The following PRAG1 variants were observed in gnomAD, a reference collection of about 807,000 sequenced individuals.
PRAG1 encodes the protein PEAK1 related, kinase-activating pseudokinase 1, also known as inactive tyrosine-protein kinase PRAG1.
PRAG1 carries 110 observed loss-of-function variants against 95.6 expected under a neutral mutation model. The observed-to-expected ratio is 1.15, with a 90% CI of 0.99 to 1.35. PRAG1 has a LOEUF of 1.35. Ranked by LOEUF, PRAG1 falls within the 40% of genes most tolerant of loss-of-function variation. The pLI is 0.00. For synonymous variants in PRAG1, 1,052 were observed against 819.4 expected, an observed-to-expected ratio of 1.28 and a Z score of -4.85; for missense variants, 2,554 against 1,864.7, an observed-to-expected ratio of 1.37 and a Z score of -6.81.
At position 8,372,005 on chromosome 8, in the gene PRAG1, A is replaced by C. The variant is rs76772491; in HGVS notation, c.2162+4242T>G. ...TATTTCTTAGTCACCTGTCATCCTCAATTCCACCTGGGCTCAGGCCTCTTC... is the reference window on the plus strand; with the variant it reads ...TATTTCTTAGTCACCTGTCATCCTCCATTCCACCTGGGCTCAGGCCTCTTC... On this transcript the variant is annotated intron_variant, in intron 3 of 5. Transcript: ENST00000615670. Among the ~76,000 whole-genome samples, 9 of 152,246 alleles carry C rather than the reference A, an allele frequency of 5.9e-5. No individual in the cohort carries two copies. In the East Asian group the frequency reaches 1.4e-3, roughly 23 times the overall value.
At chr8:8,378,571 A>T (rs1351762147) in intron 2 of PRAG1, among the ~76,000 whole-genome samples, 5 of 152,154 alleles carry the variant, frequency 3.3e-5, no homozygotes, top group Non-Finnish European at 7.4e-5. Flanking sequence ...CACACTGAAC[A>T]CACTGGAGCC....
chr8:8,375,615 C>T (rs932406649), intron 3 of PRAG1, among the ~76,000 whole-genome samples: 54 of 152,090 alleles, frequency 3.6e-4, no homozygotes, highest in African/African-American at 9.2e-4. Flanking sequence ...TTATTGAGCA[C>T]GCATTTATTT....
intron 4 of PRAG1, among the ~76,000 whole-genome samples, chr8:8,338,331 G>A (rs984212880): frequency 5.3e-5 from 8 of 152,178 alleles, no homozygotes; most frequent in South Asian, 2.1e-4. Context: ...CCTGACACCC[G>A]CTGGTTGGTG....
At chr8:8,337,081 A>T (rs571069541) in intron 4 of PRAG1, among the ~76,000 whole-genome samples, 1 of 152,224 alleles carries the variant, frequency 6.6e-6, no homozygotes, top group South Asian at 2.1e-4. Flanking sequence ...AATGAAACGC[A>T]TAGTTTTCAC....
intron 4 of PRAG1, among the ~76,000 whole-genome samples, chr8:8,329,971 G>C (rs761053769): frequency 1.3e-5 from 2 of 152,228 alleles, no homozygotes; most frequent in Non-Finnish European, 2.9e-5. Context: ...GAACACAGGA[G>C]CTGAGAACCA....
At chr8:8,322,769 A>C (rs2117101942) in intron 5 of PRAG1, among the ~76,000 whole-genome samples, 1 of 152,222 alleles carries the variant, frequency 6.6e-6, no homozygotes, top group African/African-American at 2.4e-5. Context: ...ATTGATAATA[A>C]CTCTCTCAAC....
intron 3 of PRAG1, among the ~76,000 whole-genome samples, chr8:8,348,734 T>C (rs181080643): frequency 1.3e-5 from 2 of 152,316 alleles, no homozygotes; most frequent in Non-Finnish European, 2.9e-5. Context: ...ACCCTTCTCA[T>C]CCTTCTGTAA....
chr8:8,341,858 T>C (rs1470910581), intron 3 of PRAG1, among the ~76,000 whole-genome samples: 1 of 152,208 alleles, frequency 6.6e-6, no homozygotes, highest in East Asian at 1.9e-4. Flanking sequence ...GACGGCCGGA[T>C]ACGGTGGCTC....
Position 8,335,838 on chromosome 8 carries a change from T to C in PRAG1, c.2320+3640A>G, listed in dbSNP as rs1234291310. Among the ~76,000 whole-genome samples, 3 of 152,228 alleles carry C rather than the reference T, an allele frequency of 2.0e-5. No homozygotes were observed. The South Asian group carries it at 6.2e-4, about 32-fold the overall frequency. On this transcript the variant is annotated intron_variant, in intron 4 of 5. Coordinates refer to ENST00000615670, the MANE Select transcript of PRAG1 (RefSeq NM_001080826.3). ...CAGAATGTAAGCCCCTTGAAGGGACTGGGAATTATTTCCATTGCTGAAACT... is the reference window on the plus strand; with the variant it reads ...CAGAATGTAAGCCCCTTGAAGGGACCGGGAATTATTTCCATTGCTGAAACT...
At chr8:8,372,329 T>A (rs141127399) in intron 3 of PRAG1, among the ~76,000 whole-genome samples, 27 of 152,358 alleles carry the variant, frequency 1.8e-4, no homozygotes, top group African/African-American at 6.3e-4. Flanking sequence ...CAAATTGCCA[T>A]TAAGTCTTAA....
rs779085853 is a variant in PRAG1 at position 8,318,490 on chromosome 8, G to C, written c.3885C>G (p.Leu1295=). ...CCAGCTGCTGCAGGCCGGGTGAGTA[G>C]AGGGACAGCGCGGGCAGCGGCGGCA... ...EDLPPLPALS[L]YSPGLQQLAH... The change falls in exon 6 of 6, where the codon CTC becomes CTG. Residue 1295 remains leucine, a synonymous_variant. Coordinates refer to ENST00000615670, the MANE Select transcript of PRAG1 (RefSeq NM_001080826.3). This position sits in a 1 kb window ranked among gnomAD's most constrained non-coding sequence, Gnocchi z 4.2. 6.6e-5 allele frequency: 106 copies of C among 1,612,264 alleles called. No individual in the cohort carries two copies. The highest frequency in any genetic ancestry group is 7.2e-5 in the Non-Finnish European group (85 of 1,179,788).
At chr8:8,367,652 T>C (rs1400310884) in intron 3 of PRAG1, among the ~76,000 whole-genome samples, 1 of 151,900 alleles carries the variant, frequency 6.6e-6, no homozygotes, top group Non-Finnish European at 1.5e-5. Context: ...TTTTGTTTTT[T>C]GTTTTTTGAG....
chr8:8,368,209 C>T (rs1022358074), intron 3 of PRAG1, among the ~76,000 whole-genome samples: 1 of 152,166 alleles, frequency 6.6e-6, no homozygotes, highest in Non-Finnish European at 1.5e-5. Context: ...CAAAAATGAA[C>T]GACTTTTTAA....
chr8:8,367,627 G>A (rs115012760), intron 3 of PRAG1, among the ~76,000 whole-genome samples: 1,945 of 151,754 alleles, frequency 0.013, 40 homozygotes, highest in African/African-American at 0.045. Flanking sequence ...AACTGTTCTT[G>A]TATGTATCTG....
intron 2 of PRAG1, 96 bp downstream of exon 2, chr8:8,381,322 C>T (rs1800635323): frequency 2.4e-6 from 3 of 1,272,732 alleles, no homozygotes; most frequent in Non-Finnish European, 3.3e-6. Flanking sequence ...CTGCAGGTTT[C>T]TTGCTGGAAC....
Position 8,318,503 on chromosome 8 carries a change from G to A in PRAG1, c.3872C>T (p.Pro1291Leu). ...GCCGGGTGAGTAGAGGGACAGCGCG[G>A]GCAGCGGCGGCAGGTCCTCCTGCCG... ...DYRQEDLPPL[P>L]ALSLYSPGLQ... Residue 1291 changes from proline (P) to leucine (L), a missense_variant, in exon 6 of 6, where the codon CCC becomes CTC. Transcript: ENST00000615670. The surrounding 1 kb of genome is among the most constrained non-coding windows in gnomAD (Gnocchi z 4.2). 2 of 1,611,566 alleles carry A rather than the reference G, an allele frequency of 1.2e-6. No individual in the cohort carries two copies. The highest frequency in any genetic ancestry group is 1.7e-6 in the Non-Finnish European group (2 of 1,179,530).
At chr8:8,375,204 GTTTT>G (rs746109244) in intron 3 of PRAG1, among the ~76,000 whole-genome samples, 3 of 94,418 alleles carry the variant, frequency 3.2e-5, no homozygotes, top group Non-Finnish European at 6.1e-5. Context: ...TTTTTTCTTT[GTTTT>G]TTTTTTTGTT....
At chr8:8,358,446 A>G (rs916406820) in intron 3 of PRAG1, among the ~76,000 whole-genome samples, 2 of 152,118 alleles carry the variant, frequency 1.3e-5, no homozygotes, top group African/African-American at 4.8e-5. Context: ...CTCTCTCCCC[A>G]ACCCTGTGGG....
chr8:8,376,692 G>C lies in PRAG1; in HGVS notation c.1717C>G (p.Leu573Val). ...CTGCCGCCAGAGCTCCCATCACTAA[G>C]GTCAGCCAGCGGTGACACTGGGGGC... is the stretch of plus-strand genomic sequence containing the variant. ...GGPPVSPLAD[L>V]SDGSSGGSSI... Residue 573 changes from leucine (L) to valine (V), a missense_variant, in exon 3 of 6, where the codon CTT (leucine) becomes GTT (valine). By Grantham distance (32) the Leu-to-Val change is conservative (BLOSUM62 1). Transcript: ENST00000615670. The C allele has an allele frequency of 6.2e-7, 1 of 1,611,710 alleles. No homozygotes were observed. Among genetic ancestry groups the C allele is most frequent in the South Asian group, 1.1e-5 (1 of 91,024 alleles).
Sources: gnomAD v4.1 joint callset for allele counts (sites outside exome capture counted in the v4.1 genomes callset) on GRCh38, gnomAD v4.1.1 for gene constraint, Gnocchi (gnomAD v3.1) non-coding constraint, MANE v1.5 for transcripts, NCBI Gene and HGNC (gene_info 2026-07-23, HGNC 2026-07-21) for gene names.